The following NUDCD1 variants were observed in gnomAD, a reference collection of about 807,000 sequenced individuals.
NUDCD1 encodes nudC domain-containing protein 1.
Under a neutral mutation model 67.8 loss-of-function variants are expected in NUDCD1, and 60 were observed. That is an observed-to-expected ratio of 0.88 (90% CI 0.72 to 1.10). NUDCD1 has a LOEUF of 1.10. NUDCD1 is among the 50% of genes least tolerant of loss of function. NUDCD1 has a pLI of 0.00. For synonymous variants in NUDCD1, 244 were observed against 230.8 expected, an observed-to-expected ratio of 1.06 and a Z score of -0.52; for missense variants, 643 against 695.0, an observed-to-expected ratio of 0.93 and a Z score of 0.84.
At position 109,241,793 on chromosome 8, in the gene NUDCD1, A is replaced by G. The variant is rs1813372833; in HGVS notation, c.*1216T>C. 3.3e-6 allele frequency: 1 copy of G among 300,812 alleles called. No homozygotes were observed. 18.6% of individuals were successfully genotyped at this position (300,812 alleles called of 1,614,324 possible). On this transcript the variant is annotated 3_prime_UTR_variant, in exon 10 of 10. Transcript: ENST00000239690. ...GTTAGGAACAAAGCTTTTCTATCTT[A>G]TATTTCTTATCTTAATCTTCTGCCT...
At chr8:109,296,254 C>A in intron 3 of NUDCD1, 130 bp downstream of exon 3, 2 of 743,036 alleles carry the variant, frequency 2.7e-6, no homozygotes, top group African/African-American at 1.8e-5. Context: ...AAAAGAGATC[C>A]AAAACATTAT....
intron 2 of NUDCD1, among the ~76,000 whole-genome samples, chr8:109,318,433 C>T (rs975105665): frequency 6.6e-6 from 1 of 152,194 alleles, no homozygotes; most frequent in African/African-American, 2.4e-5. Flanking sequence ...CAGAACTCTA[C>T]ATCAAAATCT....
Position 109,242,909 on chromosome 8 carries a change from T to A in NUDCD1, c.*100A>T, listed in dbSNP as rs1003045358. 7.8e-6 allele frequency: 5 copies of A among 642,140 alleles called. No homozygotes were observed. Among genetic ancestry groups the A allele is most frequent in the African/African-American group, 7.3e-5 (4 of 54,838 alleles). 39.8% of individuals were successfully genotyped at this position (642,140 alleles called of 1,614,324 possible). ...AAAATAAAAAATCATACAAGATATA[T>A]TTAGCACATTAAAACTTAAGAGGTT... On this transcript the variant is annotated 3_prime_UTR_variant, in exon 10 of 10. Coordinates refer to ENST00000239690, the MANE Select transcript of NUDCD1 (RefSeq NM_032869.4).
intron 6 of NUDCD1, among the ~76,000 whole-genome samples, chr8:109,277,836 C>T (rs746290539): frequency 6.6e-6 from 1 of 152,110 alleles, no homozygotes; most frequent in Non-Finnish European, 1.5e-5. Context: ...GACTCACATA[C>T]ACATAAACAT....
chr8:109,327,150 A>G (rs985921871), intron 1 of NUDCD1, among the ~76,000 whole-genome samples: 10 of 152,198 alleles, frequency 6.6e-5, no homozygotes, highest in African/African-American at 2.4e-4. Flanking sequence ...TGAGCTTGCT[A>G]TTTATCTATG....
At chr8:109,280,595 G>A (rs1586274147) in intron 6 of NUDCD1, among the ~76,000 whole-genome samples, 2 of 152,064 alleles carry the variant, frequency 1.3e-5, no homozygotes, top group African/African-American at 4.8e-5. Context: ...ACATCCTTTT[G>A]TATATTTAAA....
intron 2 of NUDCD1, among the ~76,000 whole-genome samples, chr8:109,302,893 G>A (rs1381536303): frequency 6.6e-6 from 1 of 152,006 alleles, no homozygotes; most frequent in African/African-American, 2.4e-5. Context: ...TTAGATTCTG[G>A]CCCTCAACCC....
intron 2 of NUDCD1, among the ~76,000 whole-genome samples, chr8:109,304,043 G>A (rs1435716893): frequency 6.6e-6 from 1 of 151,942 alleles, no homozygotes; most frequent in Non-Finnish European, 1.5e-5. Flanking sequence ...GATAAACCTA[G>A]CTGACCCCAT....
At chr8:109,243,873 T>C (rs1370320576) in intron 9 of NUDCD1, among the ~76,000 whole-genome samples, 2 of 152,164 alleles carry the variant, frequency 1.3e-5, no homozygotes. Flanking sequence ...GATTTTTTTG[T>C]ACTTTTAGCC....
At chr8:109,270,961 T>G (rs765095785) in intron 8 of NUDCD1, 44 bp downstream of exon 8, 3 of 1,316,728 alleles carry the variant, frequency 2.3e-6, no homozygotes, top group Non-Finnish European at 3.2e-6. Flanking sequence ...ATTATCTGAG[T>G]AACTACTGAC....
chr8:109,297,241 A>G (rs1814866087), intron 2 of NUDCD1, among the ~76,000 whole-genome samples: 1 of 152,248 alleles, frequency 6.6e-6, no homozygotes, highest in South Asian at 2.1e-4. Flanking sequence ...CATCATGTTC[A>G]AAATGCCTAC....
At chr8:109,319,687 T>C (rs896908188) in intron 2 of NUDCD1, among the ~76,000 whole-genome samples, 1 of 152,208 alleles carries the variant, frequency 6.6e-6, no homozygotes, top group Non-Finnish European at 1.5e-5. Context: ...GAGTTTAGTA[T>C]GGCTAGAATG....
intron 2 of NUDCD1, among the ~76,000 whole-genome samples, chr8:109,320,816 C>G (rs1815516458): frequency 6.6e-6 from 1 of 152,172 alleles, no homozygotes; most frequent in African/African-American, 2.4e-5. Context: ...GTTCTTCTGC[C>G]ATGGCTTCAG....
chr8:109,278,588 T>A (rs78426442), intron 6 of NUDCD1, among the ~76,000 whole-genome samples: 1 of 152,144 alleles, frequency 6.6e-6, no homozygotes. Flanking sequence ...AGATAACAAG[T>A]GTTCTGATTT....
chr8:109,275,385 A>G lies in NUDCD1; in HGVS notation c.1140T>C (p.Ala380=). The G allele has an allele frequency of 6.2e-7, 1 of 1,613,652 alleles. No homozygotes were observed. The highest frequency in any genetic ancestry group is 8.5e-7 in the Non-Finnish European group (1 of 1,179,668). The change falls in exon 7 of 10, where the codon GCT becomes GCC. Residue 380 remains alanine, a synonymous_variant. Transcript: ENST00000239690. The part of the protein sequence containing the change: ...IRDSAQCAAI[A]ERLMHLTSEE... ...CAGAGGTCAAATGCATCAAACGTTC[A>G]GCTATTGCAGCACACTGGGCTGAAT...
At chr8:109,280,442 T>C (rs1391428075) in intron 6 of NUDCD1, among the ~76,000 whole-genome samples, 3 of 152,196 alleles carry the variant, frequency 2.0e-5, no homozygotes, top group Admixed American at 6.5e-5. Flanking sequence ...CCACTGCAGC[T>C]AGCCGCCAAA....
At chr8:109,328,560 G>C (rs1309409428) in intron 1 of NUDCD1, among the ~76,000 whole-genome samples, 1 of 152,160 alleles carries the variant, frequency 6.6e-6, no homozygotes, top group Non-Finnish European at 1.5e-5. Flanking sequence ...GAAATCCTGG[G>C]CACTCACATA....
At chr8:109,274,425 C>T (rs1021230238) in intron 7 of NUDCD1, among the ~76,000 whole-genome samples, 4 of 152,098 alleles carry the variant, frequency 2.6e-5, no homozygotes, top group African/African-American at 4.8e-5. Flanking sequence ...TATTATATCC[C>T]CAGAGCCTAA....
chr8:109,305,029 G>C (rs1228195568), intron 2 of NUDCD1, among the ~76,000 whole-genome samples: 4 of 152,102 alleles, frequency 2.6e-5, no homozygotes, highest in African/African-American at 9.7e-5. Flanking sequence ...CCATCTCTTA[G>C]AATCTCTCAT....
Sources: gnomAD v4.1 joint callset for allele counts (sites outside exome capture counted in the v4.1 genomes callset) on GRCh38, gnomAD v4.1.1 for gene constraint, MANE v1.5 for transcripts, NCBI Gene and HGNC (gene_info 2026-07-23, HGNC 2026-07-21) for gene names.